ABCA3: variants seen among roughly 807,000 people sequenced by gnomAD.
The protein encoded by ABCA3 is ATP binding cassette subfamily A member 3, also known as phospholipid-transporting ATPase ABCA3.
A neutral mutation model predicts 172.8 loss-of-function variants in ABCA3; 88 were observed. The ratio of observed to expected loss-of-function variants is 0.51; its 90% CI spans 0.43 to 0.61. The LOEUF is 0.61. ABCA3 is among the 20% of genes least tolerant of loss of function. The pLI is 0.00. For missense variants in ABCA3, 2,164 were observed against 2,301.0 expected (o/e 0.94, Z 1.22); for synonymous variants, 1,066 against 983.8 (o/e 1.08, Z -1.56).
intron 18 of ABCA3, among the ~76,000 whole-genome samples, chr16:2,292,548 G>A (rs1195546486): frequency 3.9e-5 from 6 of 152,032 alleles, no homozygotes; most frequent in East Asian, 1.9e-4. Flanking sequence ...GCAGTGAACC[G>A]AGATTGCGCT....
chr16:2,276,860 C>T lies in ABCA3; in HGVS notation c.4984-55G>A, dbSNP rs139212795. 8.9e-3 allele frequency: 14,386 copies of T among 1,607,504 alleles called. 89 individuals carry two copies. Among genetic ancestry groups the T allele is most frequent in the South Asian group, 0.018 (1,654 of 90,868 alleles). ...AGAGAACAGGGCCCAGGCTCCTCTG[C>T]GGGACCTGGGAGTCCTCTGGCAATA... On this transcript the variant is annotated intron_variant, in intron 32 of 32. Coordinates refer to ENST00000301732, the MANE Select transcript of ABCA3 (RefSeq NM_001089.3).
At chr16:2,340,111 C>G (rs2093758197) in intron 1 of ABCA3, among the ~76,000 whole-genome samples, 1 of 152,344 alleles carries the variant, frequency 6.6e-6, no homozygotes, top group East Asian at 1.9e-4. Flanking sequence ...GCTTTGCCAC[C>G]GCGCGCCCGG....
At chr16:2,295,524 C>T in intron 18 of ABCA3, 66 bp downstream of exon 18, 9 of 1,598,190 alleles carry the variant, frequency 5.6e-6, no homozygotes, top group Non-Finnish European at 6.8e-6. Context: ...GAGCACAAAG[C>T]CCTCATGGCC....
intron 1 of ABCA3, chr16:2,332,521 A>G: frequency 4.1e-6 from 4 of 983,736 alleles, no homozygotes; most frequent in Non-Finnish European, 6.5e-6. Flanking sequence ...AATCTGGGCC[A>G]CATGACCACC....
Position 2,303,561 on chromosome 16 carries a change from C to T in ABCA3, c.1467+408G>A, listed in dbSNP as rs559039835. 1.4e-4 allele frequency among the ~76,000 whole-genome samples: 21 copies of T among 152,234 alleles called. No individual in the cohort carries two copies. The South Asian group carries it at 2.1e-3, about 15-fold the overall frequency. On this transcript the variant is annotated intron_variant, in intron 12 of 32. Transcript: ENST00000301732. ...CTGGGATTACAGGCGTGAGCCACCA[C>T]GCCTGGCCGAATGTGAACATTTTTA...
chr16:2,334,839 T>C (rs1196376715), intron 1 of ABCA3, among the ~76,000 whole-genome samples: 30 of 151,416 alleles, frequency 2.0e-4, no homozygotes, highest in Admixed American at 2.0e-3. Flanking sequence ...TCTTTTTTTT[T>C]TTTTTTGAGA....
chr16:2,319,535 G>A (rs2093722286), intron 8 of ABCA3, 46 bp downstream of exon 8: 1 of 1,601,712 alleles, frequency 6.2e-7, no homozygotes, highest in Non-Finnish European at 8.5e-7. Context: ...GCCTCCCCAG[G>A]ACAGCGCGGT....
chr16:2,284,208 G>GAGGCCCCTCTGCAGTGACC lies in ABCA3; in HGVS notation c.3862+52_3862+70dup, dbSNP rs2093659268. ...AGACGCAGAGGAGCCCCTGCCCTAG[G>GAGGCCCCTCTGCAGTGACC]AGGCCCCTCTGCAGTGACCACGTCC... On this transcript the variant is annotated intron_variant, in intron 25 of 32. Coordinates refer to ENST00000301732, the MANE Select transcript of ABCA3 (RefSeq NM_001089.3). This position sits in a 1 kb window ranked among gnomAD's most constrained non-coding sequence, Gnocchi z 5.9. The GAGGCCCCTCTGCAGTGACC allele has an allele frequency of 1.3e-6, 2 of 1,539,202 alleles. No individual in the cohort carries two copies. The highest frequency in any genetic ancestry group is 2.7e-5 in the African/African-American group (2 of 73,638).
chr16:2,295,108 TGATA>T lies in ABCA3; in HGVS notation c.2414+478_2414+481del, dbSNP rs560422478. Among the ~76,000 whole-genome samples, 20 of 152,296 alleles carry T rather than the reference TGATA, an allele frequency of 1.3e-4. No homozygotes were observed. The East Asian group carries it at 1.9e-3, about 15-fold the overall frequency. Reference sequence around the variant, plus strand: ...GATATTATCCAGATAATATCCAGACTGATAGATAGTGTCATGGAACACTGGCTTC... The same window carrying T: ...GATATTATCCAGATAATATCCAGACTGATAGTGTCATGGAACACTGGCTTC... On this transcript the variant is annotated intron_variant, in intron 18 of 32. Transcript: ENST00000301732.
intron 14 of ABCA3, 149 bp from the exon 15 acceptor site, chr16:2,298,689 T>TTCC: frequency 1.0e-6 from 1 of 957,484 alleles, no homozygotes; most frequent in Non-Finnish European, 1.6e-6. Flanking sequence ...CCCACTGGGG[T>TTCC]GGGCTTTGGC....
At chr16:2,282,104 T>C (rs1467723399) in intron 26 of ABCA3, among the ~76,000 whole-genome samples, 1 of 152,070 alleles carries the variant, frequency 6.6e-6, no homozygotes, top group Admixed American at 6.6e-5. Context: ...AGTAAGATTT[T>C]TGTTTTCAGA....
Position 2,323,674 on chromosome 16 carries a change from T to C in ABCA3, c.462A>G (p.Leu154=), listed in dbSNP as rs758405242. The change falls in exon 7 of 33, where the codon CTA becomes CTG. Residue 154 remains leucine, a synonymous_variant. Transcript: ENST00000301732. ...AATTTCTCCGTGTGTAACTGAACCG[T>C]AGGTGATATTTCACCTGTGGAAACA... is the stretch of plus-strand genomic sequence containing the variant. ...EPLPLAVKYH[L]RFSYTRRNYM... 12 of 1,614,018 alleles carry C rather than the reference T, an allele frequency of 7.4e-6. No homozygotes were observed. Among genetic ancestry groups the C allele is most frequent in the Non-Finnish European group, 1.7e-6 (2 of 1,180,014 alleles).
chr16:2,316,490 CA>C (rs71148128), intron 10 of ABCA3, among the ~76,000 whole-genome samples: 16 of 28,864 alleles, frequency 5.5e-4, no homozygotes, highest in Non-Finnish European at 9.2e-4. Context: ...ACTAAAAATG[CA>C]AAAAAAAAAA....
At chr16:2,306,382 C>T (rs569830465) in intron 11 of ABCA3, among the ~76,000 whole-genome samples, 4 of 152,138 alleles carry the variant, frequency 2.6e-5, no homozygotes, top group East Asian at 1.9e-4. Flanking sequence ...TATCAACACA[C>T]GAGTAAACAT....
intron 10 of ABCA3, among the ~76,000 whole-genome samples, chr16:2,315,897 G>T (rs2093714680): frequency 7.4e-6 from 1 of 134,640 alleles, no homozygotes; most frequent in South Asian, 2.3e-4. Flanking sequence ...TGCCTAGGCT[G>T]GTCTTAAACT....
chr16:2,289,497 G>C lies in ABCA3; in HGVS notation c.2637C>G (p.Asp879Glu). 3 of 1,592,370 alleles carry C rather than the reference G, an allele frequency of 1.9e-6. No individual in the cohort carries two copies. The change falls in exon 20 of 33, where the codon GAC becomes GAG. Residue 879 changes from aspartate (D) to glutamate (E), a missense_variant. Physicochemically the swap from Asp to Glu is conservative, Grantham distance 45. Transcript: ENST00000301732. ...TGAGGGCTCCAATGCCGTCGGAGGG[G>C]TCCATGGCCCCACAGAGGTTGCTGT... ...AVDSNLCGAM[D>E]PSDGIGALIE...
At position 2,283,233 on chromosome 16, in the gene ABCA3, G is replaced by T. The variant is rs754988531; in HGVS notation, c.3988C>A (p.Gln1330Lys). ...LLFLIETNLL[Q>K]RLRGILCALR... Reference sequence around the variant, plus strand: ...GCGCAGAGGATGCCCCTGAGTCTCTGAAGCAGGTTGGTCTCGATGAGGAAG... The same window carrying T: ...GCGCAGAGGATGCCCCTGAGTCTCTTAAGCAGGTTGGTCTCGATGAGGAAG... The change falls in exon 26 of 33, where the codon CAG becomes AAG. Residue 1330 changes from glutamine (Q) to lysine (K), a missense_variant. By Grantham distance (53) the Gln-to-Lys change is moderately conservative. Transcript: ENST00000301732. The surrounding 1 kb of genome is among the most constrained non-coding windows in gnomAD (Gnocchi z 5.4). 1 of 1,613,450 alleles carries T rather than the reference G, an allele frequency of 6.2e-7. No homozygotes were observed. The highest frequency in any genetic ancestry group is 1.1e-5 in the South Asian group (1 of 91,082).
Position 2,298,042 on chromosome 16 carries a change from C to T in ABCA3, c.1897-121G>A, listed in dbSNP as rs1407810021. ...AGCTGGGGAGATGCAGGGCTCCTGG[C>T]GGGAGGCCGACCACGGCCAGCAAGG... On this transcript the variant is annotated intron_variant, in intron 15 of 32. Transcript: ENST00000301732. 2.7e-5 allele frequency: 21 copies of T among 769,644 alleles called. 4 individuals carry two copies. Among genetic ancestry groups the T allele is most frequent in the African/African-American group, 3.2e-5 (2 of 62,638 alleles). The allele number at this position is 769,644 out of a possible 1,614,324, so 47.7% of individuals were successfully genotyped here. A position where few individuals can be genotyped will look rare whatever the true frequency, so the allele number is the denominator to read the frequency against.
In ABCA3 at chr16:2,326,412, C is replaced by T; in HGVS notation, c.54+1G>A. ...GACCTCCCTCCAGAGTCTGGACGCA[C>T]CTGCAGGGTGTAGTTCTTCCAGAGG... On this transcript the variant is annotated splice_donor_variant, in intron 4 of 32. Transcript: ENST00000301732. LOFTEE classifies it high-confidence loss of function. 1 of 1,612,930 alleles carries T rather than the reference C, an allele frequency of 6.2e-7. No individual in the cohort carries two copies. The highest frequency in any genetic ancestry group is 8.5e-7 in the Non-Finnish European group (1 of 1,179,658).
Sources: allele counts gnomAD v4.1 joint callset (sites outside exome capture counted in the v4.1 genomes callset), GRCh38; gene constraint gnomAD v4.1.1; non-coding constraint Gnocchi (gnomAD v3.1); transcripts MANE v1.5; gene names NCBI Gene and HGNC (gene_info 2026-07-23, HGNC 2026-07-21).